SAMTOR: variants seen among roughly 807,000 people sequenced by gnomAD.
The protein encoded by SAMTOR is S-adenosylmethionine sensor upstream of mTORC1.
At chr7:112,876,958 A>G in the SAMTOR span, among the ~76,000 whole-genome samples, 1 of 152,210 alleles carries the variant, frequency 6.6e-6, no homozygotes, top group Admixed American at 6.5e-5. Context: ...AAATCTTCCC[A>G]TAAAAATTAT....
At chr7:112,877,894 A>T in the SAMTOR span, among the ~76,000 whole-genome samples, 6 of 152,186 alleles carry the variant, frequency 3.9e-5, no homozygotes, top group Non-Finnish European at 7.3e-5. Flanking sequence ...TGTGAATAAT[A>T]GCTTCCTGAG....
the SAMTOR span, among the ~76,000 whole-genome samples, chr7:112,826,527 G>C: frequency 1.3e-5 from 2 of 151,984 alleles, no homozygotes; most frequent in African/African-American, 2.4e-5. Context: ...CTTTACTTCT[G>C]ATCAGTAGGC....
the SAMTOR span, among the ~76,000 whole-genome samples, chr7:112,833,814 C>T: frequency 6.6e-5 from 10 of 152,202 alleles, 1 homozygote; most frequent in South Asian, 4.2e-4. Flanking sequence ...TATTTGGCTT[C>T]GCTCCTTAAT....
the SAMTOR span, among the ~76,000 whole-genome samples, chr7:112,932,983 G>T: frequency 6.6e-6 from 1 of 152,166 alleles, no homozygotes; most frequent in Admixed American, 6.5e-5. Flanking sequence ...CAGTACTTCT[G>T]ATTTAAAGAG....
At chr7:112,902,429 C>CAAAAAAAAAAAAAAAAA in the SAMTOR span, among the ~76,000 whole-genome samples, 1 of 58,576 alleles carries the variant, frequency 1.7e-5, no homozygotes, top group Non-Finnish European at 2.8e-5. Flanking sequence ...AAAAAAAAAA[C>CAAAAAAAAAAAAAAAAA]AAAAAAAAAC....
the SAMTOR span, chr7:112,820,411 G>A: frequency 6.6e-6 from 1 of 152,076 alleles, no homozygotes; most frequent in African/African-American, 2.4e-5. Flanking sequence ...CATGAAATCT[G>A]AAACTGTGAT....
At chr7:112,855,614 A>G in the SAMTOR span, among the ~76,000 whole-genome samples, 4 of 152,124 alleles carry the variant, frequency 2.6e-5, no homozygotes, top group Admixed American at 1.3e-4. Context: ...TTCTTAGATC[A>G]CTGCCCCCTC....
At chr7:112,875,464 A>G in the SAMTOR span, among the ~76,000 whole-genome samples, 1 of 152,158 alleles carries the variant, frequency 6.6e-6, no homozygotes, top group Admixed American at 6.5e-5. Flanking sequence ...TAATTTTGTT[A>G]ATACTGTGTA....
At chr7:112,829,158 T>C in the SAMTOR span, among the ~76,000 whole-genome samples, 1 of 152,164 alleles carries the variant, frequency 6.6e-6, no homozygotes, top group African/African-American at 2.4e-5. Context: ...GATGCTCTTC[T>C]ATTTAAAAAA....
chr7:112,900,300 A>G, the SAMTOR span, among the ~76,000 whole-genome samples: 1 of 152,204 alleles, frequency 6.6e-6, no homozygotes, highest in African/African-American at 2.4e-5. Flanking sequence ...AAGTACAAAA[A>G]GGCTTGAGAA....
the SAMTOR span, among the ~76,000 whole-genome samples, chr7:112,910,288 TG>T: frequency 6.6e-6 from 1 of 152,180 alleles, no homozygotes; most frequent in Non-Finnish European, 1.5e-5. Context: ...ATTGCTTTCG[TG>T]AAAATTGGTA....
the SAMTOR span, chr7:112,821,684 C>T: frequency 6.8e-7 from 1 of 1,461,924 alleles, no homozygotes; most frequent in Non-Finnish European, 9.2e-7. Flanking sequence ...GTTAGTATTT[C>T]CAATTGGTGT....
the SAMTOR span, among the ~76,000 whole-genome samples, chr7:112,910,338 G>T: frequency 6.6e-6 from 1 of 151,984 alleles, no homozygotes; most frequent in Non-Finnish European, 1.5e-5. Flanking sequence ...TGATTTTCTG[G>T]ATAACATGTA....
the SAMTOR span, among the ~76,000 whole-genome samples, chr7:112,917,199 C>T: frequency 4.6e-5 from 7 of 152,298 alleles, no homozygotes; most frequent in East Asian, 1.2e-3. Context: ...TGGGAGGCAC[C>T]CCCCAGTAGG....
At chr7:112,876,132 T>C in the SAMTOR span, among the ~76,000 whole-genome samples, 1 of 152,094 alleles carries the variant, frequency 6.6e-6, no homozygotes, top group Non-Finnish European at 1.5e-5. Context: ...GGCTATTTTT[T>C]GTATCTTTTT....
chr7:112,936,997 T>A, the SAMTOR span, among the ~76,000 whole-genome samples: 2 of 152,326 alleles, frequency 1.3e-5, no homozygotes, highest in South Asian at 4.1e-4. Context: ...GTATTAATAA[T>A]GAACTACCAA....
chr7:112,927,072 G>A, the SAMTOR span, among the ~76,000 whole-genome samples: 1 of 151,886 alleles, frequency 6.6e-6, no homozygotes, highest in Non-Finnish European at 1.5e-5. Context: ...TTTCATAATA[G>A]CCCATTTTTT....
chr7:112,865,556 G>A, the SAMTOR span, among the ~76,000 whole-genome samples: 1,599 of 150,474 alleles, frequency 0.011, 27 homozygotes, highest in African/African-American at 0.037. Context: ...GATTGCAGGC[G>A]TGAGCCTCCA....
the SAMTOR span, among the ~76,000 whole-genome samples, chr7:112,868,576 C>G: frequency 6.6e-6 from 1 of 152,038 alleles, no homozygotes; most frequent in African/African-American, 2.4e-5. Context: ...GGAAAGACAC[C>G]AGGAAGCTGC....
Sources: allele counts gnomAD v4.1 joint callset (sites outside exome capture counted in the v4.1 genomes callset), GRCh38; gene constraint gnomAD v4.1.1; transcripts MANE v1.5; gene names NCBI Gene and HGNC (gene_info 2026-07-23, HGNC 2026-07-21).